The following KCND2 variants were observed in gnomAD, a reference collection of about 807,000 sequenced individuals.
The protein encoded by KCND2 is potassium voltage-gated channel subfamily D member 2.
KCND2 carries 16 observed loss-of-function variants against 54.4 expected under a neutral mutation model. The observed-to-expected ratio is 0.29, with a 90% CI of 0.20 to 0.45. The LOEUF (loss-of-function observed/expected upper bound fraction) is 0.45, where lower values mean the gene tolerates loss of function less well. Ranked by LOEUF, KCND2 falls within the 20% of genes least tolerant of loss-of-function variation. KCND2 has a pLI of 1.00. For synonymous variants in KCND2, 317 were observed against 310.7 expected (o/e 1.02, Z -0.21); for missense variants, 486 against 824.2 (o/e 0.59, Z 5.02).
chr7:120,562,934 A>T (rs759607846), intron 1 of KCND2, among the ~76,000 whole-genome samples: 8 of 152,164 alleles, frequency 5.3e-5, no homozygotes, highest in Non-Finnish European at 1.2e-4. Flanking sequence ...TATATAAGGT[A>T]AAGTATTTTT....
rs114609501 is a variant in KCND2 at position 120,293,858 on chromosome 7, T to C, written c.1115+18111T>C. Among the ~76,000 whole-genome samples, 1,350 of 152,076 alleles carry C rather than the reference T, an allele frequency of 8.9e-3. 18 individuals carry two copies. The highest frequency in any genetic ancestry group is 0.03 in the African/African-American group (1,265 of 41,530). On this transcript the variant is annotated intron_variant, in intron 1 of 5. Coordinates refer to ENST00000331113, the MANE Select transcript of KCND2 (RefSeq NM_012281.3). ...TAGAAGCACATAGGGTCAACAATTA[T>C]TTATATTTGTCAAATAATTAGTAGT...
At chr7:120,333,044 G>T (rs1800091229) in intron 1 of KCND2, among the ~76,000 whole-genome samples, 1 of 152,016 alleles carries the variant, frequency 6.6e-6, no homozygotes, top group Non-Finnish European at 1.5e-5. Context: ...GTATCTTCTA[G>T]AATTTGTCTT....
intron 1 of KCND2, among the ~76,000 whole-genome samples, chr7:120,536,910 T>A (rs200434202): frequency 1.3e-5 from 2 of 152,180 alleles, no homozygotes; most frequent in South Asian, 2.1e-4. Context: ...TTAATTTTTT[T>A]AAATTTTTAT....
intron 1 of KCND2, among the ~76,000 whole-genome samples, chr7:120,588,921 G>C (rs542295529): frequency 6.6e-6 from 1 of 152,282 alleles, no homozygotes; most frequent in East Asian, 1.9e-4. Flanking sequence ...TGAGGTTTCA[G>C]AACATCATCT....
chr7:120,296,359 T>G (rs1799514195), intron 1 of KCND2, among the ~76,000 whole-genome samples: 1 of 152,108 alleles, frequency 6.6e-6, no homozygotes, highest in African/African-American at 2.4e-5. Context: ...GTACTGGATC[T>G]CATTAAGTTT....
chr7:120,670,077 A>C (rs60500498), intron 1 of KCND2, among the ~76,000 whole-genome samples: 57,930 of 151,790 alleles, frequency 0.38, 13,247 homozygotes, highest in African/African-American at 0.62. Context: ...ATAAGGGGTG[A>C]ACTAAAATCT....
chr7:120,355,406 G>A (rs1406673154), intron 1 of KCND2, among the ~76,000 whole-genome samples: 1 of 152,098 alleles, frequency 6.6e-6, no homozygotes, highest in Non-Finnish European at 1.5e-5. Flanking sequence ...AATTAGCTGG[G>A]CGTGCTGGTG....
intron 1 of KCND2, among the ~76,000 whole-genome samples, chr7:120,413,944 A>G (rs1448417226): frequency 6.8e-6 from 1 of 147,556 alleles, no homozygotes; most frequent in Non-Finnish European, 1.5e-5. Context: ...TTCCTAAGGC[A>G]ATTTTCTTTT....
At chr7:120,419,344 A>G (rs1801574388) in intron 1 of KCND2, among the ~76,000 whole-genome samples, 1 of 152,210 alleles carries the variant, frequency 6.6e-6, no homozygotes, top group Admixed American at 6.6e-5. Context: ...TGCATTTAAA[A>G]AAAATAAAAC....
At chr7:120,480,953 A>G (rs1802599451) in intron 1 of KCND2, among the ~76,000 whole-genome samples, 1 of 152,220 alleles carries the variant, frequency 6.6e-6, no homozygotes, top group African/African-American at 2.4e-5. Context: ...AAAACAGCCT[A>G]GATTGCCATT....
chr7:120,409,934 T>A (rs1454517111), intron 1 of KCND2, among the ~76,000 whole-genome samples: 29 of 151,936 alleles, frequency 1.9e-4, no homozygotes, highest in Admixed American at 1.9e-3. Context: ...AATTTTTGCT[T>A]TTTAATCTTA....
At chr7:120,576,796 TAAGTA>T in intron 1 of KCND2, among the ~76,000 whole-genome samples, 1 of 152,328 alleles carries the variant, frequency 6.6e-6, no homozygotes, top group South Asian at 2.1e-4. Flanking sequence ...TTTACTCTTT[TAAGTA>T]AAGTGAAAAT....
chr7:120,364,171 A>G (rs547722173), intron 1 of KCND2, among the ~76,000 whole-genome samples: 1 of 152,294 alleles, frequency 6.6e-6, no homozygotes, highest in South Asian at 2.1e-4. Context: ...CACAATTTCT[A>G]ATCTCATCTT....
rs146748377 is a variant in KCND2, at chr7:120,356,399, A to G, written c.1115+80652A>G. ...GATAATAGCAAATGTTAGGTTCTTT[A>G]TAAACATAAAATCTGGAGACATTGT... On this transcript the variant is annotated intron_variant, in intron 1 of 5. Transcript: ENST00000331113. Among the ~76,000 whole-genome samples the G allele has an allele frequency of 3.5e-3, 530 of 152,280 alleles. 3 individuals carry two copies. Among genetic ancestry groups the G allele is most frequent in the African/African-American group, 0.012 (503 of 41,566 alleles).
intron 1 of KCND2, among the ~76,000 whole-genome samples, chr7:120,423,979 G>A (rs1023949329): frequency 1.3e-5 from 2 of 152,126 alleles, no homozygotes; most frequent in African/African-American, 4.8e-5. Flanking sequence ...TTAGCTATAA[G>A]GTACTGTCTC....
In KCND2 at chr7:120,366,503, G is replaced by A. The variant is rs543690283; in HGVS notation, c.1115+90756G>A. ...ACTCCATTAAAAAAAAAAAAAAAGG[G>A]AGGGAGGGAGGAAGGAAGGAAGGAA... On this transcript the variant is annotated intron_variant, in intron 1 of 5. Coordinates refer to ENST00000331113, the MANE Select transcript of KCND2 (RefSeq NM_012281.3). 8.5e-3 allele frequency among the ~76,000 whole-genome samples: 1,270 copies of A among 148,862 alleles called. 23 individuals are homozygous for A. Among genetic ancestry groups the A allele is most frequent in the African/African-American group, 0.03 (1,193 of 40,428 alleles).
intron 1 of KCND2, among the ~76,000 whole-genome samples, chr7:120,589,652 A>G (rs893082894): frequency 1.3e-5 from 2 of 152,200 alleles, no homozygotes; most frequent in African/African-American, 4.8e-5. Context: ...TATGAGTTCA[A>G]TTTATTTTTA....
At chr7:120,459,975 A>G (rs978620982) in intron 1 of KCND2, among the ~76,000 whole-genome samples, 2 of 152,190 alleles carry the variant, frequency 1.3e-5, no homozygotes, top group African/African-American at 4.8e-5. Context: ...TTCTTTTTCA[A>G]TGCCTTCTTC....
chr7:120,689,522 A>C (rs144046441), intron 1 of KCND2, among the ~76,000 whole-genome samples: 1 of 152,212 alleles, frequency 6.6e-6, no homozygotes, highest in Admixed American at 6.5e-5. Context: ...ATTTACTTGA[A>C]ATACACATAA....
Sources: allele counts gnomAD v4.1 joint callset (sites outside exome capture counted in the v4.1 genomes callset), GRCh38; gene constraint gnomAD v4.1.1; transcripts MANE v1.5; gene names NCBI Gene and HGNC (gene_info 2026-07-23, HGNC 2026-07-21).